Variants in FGF12 observed in about 807,000 individuals in gnomAD.
FGF12 encodes the protein fibroblast growth factor 12, also known as fibroblast growth factor 12B.
A neutral mutation model predicts 23.6 loss-of-function variants in FGF12; 14 were observed. The ratio of observed to expected loss-of-function variants is 0.59; its 90% confidence interval spans 0.39 to 0.93. The LOEUF (loss-of-function observed/expected upper bound fraction) is 0.93, where lower values mean the gene tolerates loss of function less well. Among genes scored for constraint, FGF12 ranks in the 40% least tolerant of loss-of-function variants. FGF12 has a pLI of 0.00. For missense variants in FGF12, 175 were observed against 217.8 expected (o/e 0.80, Z 1.24); for synonymous variants, 62 against 77.3 (o/e 0.80, Z 1.04).
chr3:192,587,667 A>T (rs1228850365), intron 2 of FGF12, among the ~76,000 whole-genome samples: 5 of 151,624 alleles, frequency 3.3e-5, no homozygotes, highest in Non-Finnish European at 5.9e-5. Context: ...TTAATTTTTT[A>T]AAAATTTGCC....
At chr3:192,160,538 CTTTTTAAAATAGTCCCATA>C (rs1714809770) in intron 5 of FGF12, among the ~76,000 whole-genome samples, 1 of 152,128 alleles carries the variant, frequency 6.6e-6, no homozygotes, top group African/African-American at 2.4e-5. Context: ...CTTCATCATC[CTTTTTAAAATAGTCCCATA>C]TTTTTTTCTT....
chr3:192,412,830 T>A (rs994886882), intron 2 of FGF12, among the ~76,000 whole-genome samples: 40 of 152,232 alleles, frequency 2.6e-4, no homozygotes, highest in African/African-American at 9.6e-4. Context: ...GGATCAGGAA[T>A]GAAATTAAGC....
intron 4 of FGF12, among the ~76,000 whole-genome samples, chr3:192,225,586 C>A (rs974482263): frequency 6.6e-6 from 1 of 152,010 alleles, no homozygotes; most frequent in Non-Finnish European, 1.5e-5. Flanking sequence ...ACCACATTAC[C>A]AACACTTCTA....
intron 2 of FGF12, among the ~76,000 whole-genome samples, chr3:192,646,213 T>TATCAATCA (rs3043792): frequency 0.036 from 5,426 of 150,540 alleles, 146 homozygotes; most frequent in Middle Eastern, 0.072. Flanking sequence ...TGAGACACAA[T>TATCAATCA]ATCAATCAAT....
chr3:192,204,171 C>T (rs150722065), intron 4 of FGF12, among the ~76,000 whole-genome samples: 43 of 152,252 alleles, frequency 2.8e-4, no homozygotes, highest in African/African-American at 9.6e-4. Flanking sequence ...AGGAATCCAT[C>T]TAATCCATGT....
At chr3:192,211,548 A>C (rs142907085) in intron 4 of FGF12, among the ~76,000 whole-genome samples, 1 of 152,030 alleles carries the variant, frequency 6.6e-6, no homozygotes, top group East Asian at 1.9e-4. Flanking sequence ...GCCTCAGCCT[A>C]CCGTGTAGCT....
At chr3:192,717,158 GT>G (rs1397043504) in intron 2 of FGF12, among the ~76,000 whole-genome samples, 1 of 152,180 alleles carries the variant, frequency 6.6e-6, no homozygotes, top group Non-Finnish European at 1.5e-5. Context: ...AGTGGGACTA[GT>G]TTTTCAGTAA....
intron 4 of FGF12, among the ~76,000 whole-genome samples, chr3:192,188,640 T>C (rs984138283): frequency 8.5e-5 from 13 of 152,212 alleles, no homozygotes; most frequent in Non-Finnish European, 1.8e-4. Flanking sequence ...GTAAGACAAA[T>C]GAAAACTCTG....
chr3:192,211,693 CT>C (rs1717940361), intron 4 of FGF12, among the ~76,000 whole-genome samples: 1 of 152,070 alleles, frequency 6.6e-6, no homozygotes, highest in African/African-American at 2.4e-5. Context: ...TCCCAAAGTG[CT>C]GGGATTACAG....
At chr3:192,449,631 C>T (rs1722463139) in intron 2 of FGF12, among the ~76,000 whole-genome samples, 1 of 152,190 alleles carries the variant, frequency 6.6e-6, no homozygotes. Flanking sequence ...CATCTGGTGA[C>T]CAACAGTGCC....
rs567757087 is a variant in FGF12 at position 192,565,033 on chromosome 3, A to G, written c.13+162148T>C. Among the ~76,000 whole-genome samples, 3 of 152,366 alleles carry G rather than the reference A, an allele frequency of 2.0e-5. No homozygotes were observed. The East Asian group carries it at 5.8e-4, about 29-fold the overall frequency. ...GTTATCTACATAAAACATTTTGAAC[A>G]GAGCTTTTTCACTTGGTGAATGCTC... is the stretch of plus-strand genomic sequence containing the variant. On this transcript the variant is annotated intron_variant, in intron 2 of 5. Transcript: ENST00000445105.
intron 2 of FGF12, among the ~76,000 whole-genome samples, chr3:192,384,005 A>C (rs1719935190): frequency 6.6e-6 from 1 of 152,196 alleles, no homozygotes; most frequent in Admixed American, 6.5e-5. Flanking sequence ...TAAACTGCTT[A>C]AAGAGACTAA....
At chr3:192,370,310 G>T (rs1719171027) in intron 2 of FGF12, among the ~76,000 whole-genome samples, 1 of 152,090 alleles carries the variant, frequency 6.6e-6, no homozygotes, top group African/African-American at 2.4e-5. Context: ...ACGTGTATGT[G>T]CCACTCTGTA....
At position 192,141,043 on chromosome 3, in the gene FGF12, C is replaced by T. The variant is rs1362623490; in HGVS notation, c.*2966G>A. On this transcript the variant is annotated 3_prime_UTR_variant, in exon 6 of 6. Transcript: ENST00000445105. Reference sequence around the variant, plus strand: ...TATTCCAATAAGAACTCAGAATAAACATATCTTAATTTATATCTGCGTAGC... The same window carrying T: ...TATTCCAATAAGAACTCAGAATAAATATATCTTAATTTATATCTGCGTAGC... 3 of 131,092 alleles carry T rather than the reference C, an allele frequency of 2.3e-5. No individual in the cohort carries two copies. Among genetic ancestry groups the T allele is most frequent in the Admixed American group, 9.1e-5 (1 of 10,974 alleles). The allele number at this position is 131,092 out of a possible 1,614,324, so 8.1% of individuals were successfully genotyped here. A position where few individuals can be genotyped will look rare whatever the true frequency, so the allele number is the denominator to read the frequency against.
chr3:192,376,146 C>A (rs1719484312), intron 2 of FGF12, among the ~76,000 whole-genome samples: 1 of 151,756 alleles, frequency 6.6e-6, no homozygotes, highest in Admixed American at 6.6e-5. Flanking sequence ...CATGTTGGAG[C>A]TTCTTTATAT....
chr3:192,526,184 T>C (rs932782650), intron 2 of FGF12, among the ~76,000 whole-genome samples: 9 of 152,304 alleles, frequency 5.9e-5, no homozygotes, highest in African/African-American at 2.2e-4. Context: ...CCTTCAAAAA[T>C]TGGATTCATT....
At chr3:192,262,874 T>TAC (rs368622682) in intron 4 of FGF12, among the ~76,000 whole-genome samples, 2,905 of 150,410 alleles carry the variant, frequency 0.019, 70 homozygotes, top group African/African-American at 0.055. Flanking sequence ...TACTCCCCCA[T>TAC]ACACACACAC....
At chr3:192,600,804 C>T (rs1324917701) in intron 2 of FGF12, among the ~76,000 whole-genome samples, 2 of 151,996 alleles carry the variant, frequency 1.3e-5, no homozygotes, top group East Asian at 1.9e-4. Context: ...ATAACAAATG[C>T]TGGCAGGGAT....
At chr3:192,372,112 T>C (rs963578084) in intron 2 of FGF12, among the ~76,000 whole-genome samples, 8 of 151,876 alleles carry the variant, frequency 5.3e-5, no homozygotes, top group African/African-American at 1.9e-4. Context: ...CATAGAAAAA[T>C]CTTCTCAGTG....
Sources: gnomAD v4.1 joint callset for allele counts (sites outside exome capture counted in the v4.1 genomes callset) on GRCh38, gnomAD v4.1.1 for gene constraint, MANE v1.5 for transcripts, NCBI Gene and HGNC (gene_info 2026-07-23, HGNC 2026-07-21) for gene names.